WNK1: variants seen among roughly 807,000 people sequenced by gnomAD.
WNK1 encodes the protein serine/threonine-protein kinase WNK1.
In WNK1, 38 loss-of-function variants were observed where a neutral mutation model predicts 222.8. The ratio of observed to expected loss-of-function variants is 0.17; its 90% CI spans 0.13 to 0.22. WNK1 has a LOEUF of 0.22. WNK1 is among the 10% of genes least tolerant of loss of function. The pLI, the probability that WNK1 is intolerant of heterozygous loss-of-function variation, is 1.00. For synonymous variants in WNK1, 1,090 were observed against 1,092.9 expected, an observed-to-expected ratio of 1.00 and a Z score of 0.05; for missense variants, 2,348 against 2,918.4, an observed-to-expected ratio of 0.80 and a Z score of 4.50.
At chr12:880,100 A>T in intron 11 of WNK1, 69 bp downstream of exon 11, 1 of 1,456,582 alleles carries the variant, frequency 6.9e-7, no homozygotes. Context: ...GAACATGGAA[A>T]TCTAATAGTT....
At chr12:808,465 C>T (rs1168703466) in intron 1 of WNK1, among the ~76,000 whole-genome samples, 1 of 151,706 alleles carries the variant, frequency 6.6e-6, no homozygotes, top group East Asian at 1.9e-4. Context: ...CCTTTGTCCA[C>T]ATGTTCTAAG....
At chr12:790,615 A>C (rs1190634500) in intron 1 of WNK1, among the ~76,000 whole-genome samples, 2 of 152,244 alleles carry the variant, frequency 1.3e-5, no homozygotes, top group Non-Finnish European at 2.9e-5. Flanking sequence ...TTTTTGAAAA[A>C]GAACATATAA....
chr12:874,897 G>T (rs1952470970), intron 9 of WNK1, among the ~76,000 whole-genome samples: 1 of 151,876 alleles, frequency 6.6e-6, no homozygotes, highest in African/African-American at 2.4e-5. Context: ...TCCAAAAAAA[G>T]GGAAGAAATT....
At chr12:769,327 T>C (rs1258052338) in intron 1 of WNK1, among the ~76,000 whole-genome samples, 1 of 151,674 alleles carries the variant, frequency 6.6e-6, no homozygotes, top group Non-Finnish European at 1.5e-5. Flanking sequence ...GCCTCCCAAA[T>C]TGCTGGGATT....
intron 14 of WNK1, 95 bp from the exon 15 acceptor site, chr12:882,848 A>G (rs1953300506): frequency 2.5e-6 from 2 of 803,864 alleles, no homozygotes; most frequent in Non-Finnish European, 4.4e-6. Context: ...GCTTCCTTAG[A>G]CATAAAGTCA....
rs564868367 is a variant in WNK1 at position 780,171 on chromosome 12, C to A, written c.759+25847C>A. 7.9e-5 allele frequency among the ~76,000 whole-genome samples: 12 copies of A among 152,282 alleles called. No homozygotes were observed. The South Asian group carries it at 2.5e-3, about 32-fold the overall frequency. ...TAATCTGCCCCATCTTTGTCTAATTCCGTTTTAACTTCTGTCCTTAACATG... is the reference window on the plus strand; with the variant it reads ...TAATCTGCCCCATCTTTGTCTAATTACGTTTTAACTTCTGTCCTTAACATG... On this transcript the variant is annotated intron_variant, in intron 1 of 27. Coordinates refer to ENST00000315939, the MANE Select transcript of WNK1 (RefSeq NM_018979.4).
intron 21 of WNK1, among the ~76,000 whole-genome samples, chr12:889,775 C>T (rs1207201912): frequency 2.0e-5 from 3 of 152,086 alleles, no homozygotes; most frequent in Non-Finnish European, 4.4e-5. Flanking sequence ...GCCGAGATTG[C>T]ACCACTGCAG....
At chr12:834,523 A>C (rs907901952) in intron 4 of WNK1, among the ~76,000 whole-genome samples, 2 of 152,164 alleles carry the variant, frequency 1.3e-5, no homozygotes, top group Non-Finnish European at 1.5e-5. Flanking sequence ...TATAATGGTA[A>C]GTCTTGATAG....
intron 4 of WNK1, among the ~76,000 whole-genome samples, chr12:855,922 C>G (rs1002305766): frequency 6.6e-6 from 1 of 152,070 alleles, no homozygotes; most frequent in Admixed American, 6.5e-5. Context: ...TCACTGCAAC[C>G]TCTGCCTCCC....
At position 753,736 on chromosome 12, in the gene WNK1, C is replaced by T; in HGVS notation, c.171C>T (p.Arg57=). Residue 57 remains arginine (R), a synonymous_variant, in exon 1 of 28, where the codon CGC becomes CGT. Coordinates refer to ENST00000315939, the MANE Select transcript of WNK1 (RefSeq NM_018979.4). The surrounding 1 kb of genome is among the most constrained non-coding windows in gnomAD (Gnocchi z 5.2). ...VTGRTEEYRR[R]RHTMDKDSRG... is the part of the protein sequence containing the mutation. ...GCAGGACCGAGGAGTACAGGCGCCG[C>T]CGCCACACTATGGACAAGGACAGCC... 2 of 1,612,314 alleles carry T rather than the reference C, an allele frequency of 1.2e-6. No individual in the cohort carries two copies. The highest frequency in any genetic ancestry group is 1.7e-6 in the Non-Finnish European group (2 of 1,179,878).
At chr12:796,672 A>G (rs1411636660) in intron 1 of WNK1, among the ~76,000 whole-genome samples, 2 of 152,008 alleles carry the variant, frequency 1.3e-5, no homozygotes, top group African/African-American at 2.4e-5. Context: ...CTACCTAACC[A>G]TTTTTCCTGC....
At chr12:799,990 G>C (rs1298174863) in intron 1 of WNK1, among the ~76,000 whole-genome samples, 1 of 152,052 alleles carries the variant, frequency 6.6e-6, no homozygotes, top group Non-Finnish European at 1.5e-5. Context: ...AATTTTTAAA[G>C]AAAGTTAATT....
Position 848,496 on chromosome 12 carries a change from CTT to C in WNK1, c.1312-8646_1312-8645del, listed in dbSNP as rs10644583. Among the ~76,000 whole-genome samples, 513 of 99,244 alleles carry C rather than the reference CTT, an allele frequency of 5.2e-3. 4 individuals carry two copies. Among genetic ancestry groups the C allele is most frequent in the Admixed American group, 0.015 (110 of 7,530 alleles). The allele number at this position is 99,244 out of a possible 152,430, so 65.1% of individuals were successfully genotyped here. The stretch of plus-strand genomic sequence containing the variant: ...GAGGCAGCAAAGAAGCCAGTAAAAA[CTT>C]TTTTTTTTTTTTTTTTTTGCTTGGT... On this transcript the variant is annotated intron_variant, in intron 4 of 27. Transcript: ENST00000315939.
At chr12:841,156 T>A (rs947846981) in intron 4 of WNK1, among the ~76,000 whole-genome samples, 12 of 152,222 alleles carry the variant, frequency 7.9e-5, no homozygotes, top group African/African-American at 2.7e-4. Context: ...TACTGTTCAC[T>A]GGTTTTTAGT....
rs1041840023 is a variant in WNK1 at position 909,485 on chromosome 12, A to G, written c.*693A>G. 3 of 152,234 alleles carry G rather than the reference A, an allele frequency of 2.0e-5. No individual in the cohort carries two copies. The highest frequency in any genetic ancestry group is 7.2e-5 in the African/African-American group (3 of 41,442). The allele number at this position is 152,234 out of a possible 1,614,324, so 9.4% of individuals were successfully genotyped here. A position where few individuals can be genotyped will look rare whatever the true frequency, so the allele number is the denominator to read the frequency against. On this transcript the variant is annotated 3_prime_UTR_variant, in exon 28 of 28. Transcript: ENST00000315939. ...GATGTGGAAACACTGTGATATATAA[A>G]ATGTTGTTGGACAACAGTAGTTTTA...
chr12:768,957 G>A (rs939075719), intron 1 of WNK1, among the ~76,000 whole-genome samples: 4 of 150,416 alleles, frequency 2.7e-5, no homozygotes, highest in Non-Finnish European at 5.9e-5. Context: ...TTACAGGCAC[G>A]CACCACCACA....
At chr12:882,204 T>C in intron 14 of WNK1, 131 bp downstream of exon 14, 2 of 1,090,154 alleles carry the variant, frequency 1.8e-6, no homozygotes, top group South Asian at 3.0e-5. Flanking sequence ...ACAGATAATT[T>C]TTTTTTTTTT....
intron 1 of WNK1, among the ~76,000 whole-genome samples, chr12:757,921 G>A (rs1416826855): frequency 6.9e-6 from 1 of 145,336 alleles, no homozygotes; most frequent in African/African-American, 2.5e-5. Flanking sequence ...TGTAATCCCA[G>A]CTACTCGAGA....
chr12:885,056 A>G lies in WNK1; in HGVS notation c.4252A>G (p.Ile1418Val), dbSNP rs755994921. 23 of 1,614,062 alleles carry G rather than the reference A, an allele frequency of 1.4e-5. No individual in the cohort carries two copies. The highest frequency in any genetic ancestry group is 1.6e-4 in the Middle Eastern group (1 of 6,084). ...VLSSVVSSITIPAVVSISTTS... is the reference protein window; with the variant it reads ...VLSSVVSSITVPAVVSISTTS... Reference sequence around the variant, plus strand: ...TTCCAGCGTAGTTTCAAGTATCACAATACCTGCAGTTGTCTCAATATCTAC... The same window carrying G: ...TTCCAGCGTAGTTTCAAGTATCACAGTACCTGCAGTTGTCTCAATATCTAC... The change falls in exon 19 of 28, where the codon ATA becomes GTA. Residue 1418 changes from isoleucine to valine, a missense_variant. By Grantham distance (29) the Ile-to-Val change is conservative. Coordinates refer to ENST00000315939, the MANE Select transcript of WNK1 (RefSeq NM_018979.4).
Sources: allele counts gnomAD v4.1 joint callset (sites outside exome capture counted in the v4.1 genomes callset), GRCh38; gene constraint gnomAD v4.1.1; non-coding constraint Gnocchi (gnomAD v3.1); transcripts MANE v1.5; gene names NCBI Gene and HGNC (gene_info 2026-07-23, HGNC 2026-07-21).